NR3C1: variants seen among roughly 807,000 people sequenced by gnomAD.
NR3C1 encodes nuclear receptor subfamily 3 group C member 1.
Under a neutral mutation model 74.0 loss-of-function variants are expected in NR3C1, and 14 were observed. The observed-to-expected ratio is 0.19, with a 90% CI of 0.12 to 0.30. NR3C1 has a LOEUF of 0.30. NR3C1 is among the 10% of genes least tolerant of loss of function. The pLI, the probability that NR3C1 is intolerant of heterozygous loss-of-function variation, is 1.00. For missense variants in NR3C1, 695 were observed against 909.8 expected, an observed-to-expected ratio of 0.76 and a Z score of 3.04; for synonymous variants, 308 against 332.5, an observed-to-expected ratio of 0.93 and a Z score of 0.80.
Position 143,310,232 on chromosome 5 carries a change from AC to A in NR3C1, c.1352-20del. 1 of 1,542,500 alleles carries A rather than the reference AC, an allele frequency of 6.5e-7. No individual in the cohort carries two copies. The stretch of plus-strand genomic sequence containing the variant: ...TGCTGTCCTATATGGAATAAAAGGC[AC>A]TATTAAAGTTTCACAGGTCTTCAAA... On this transcript the variant is annotated intron_variant, in intron 3 of 8. Transcript: ENST00000394464.
chr5:143,392,124 C>G (rs980540317), intron 2 of NR3C1, among the ~76,000 whole-genome samples: 1 of 152,056 alleles, frequency 6.6e-6, no homozygotes, highest in Non-Finnish European at 1.5e-5. Flanking sequence ...AGCCACCATG[C>G]CCGGCTAATT....
chr5:143,412,112 T>C (rs11749561), intron 1 of NR3C1, among the ~76,000 whole-genome samples: 69,445 of 151,828 alleles, frequency 0.46, 16,858 homozygotes, highest in Non-Finnish European at 0.55. Flanking sequence ...GGTGAGTGCA[T>C]AGAAAGCTGT....
At chr5:143,313,579 C>CTT (rs899933337) in intron 3 of NR3C1, among the ~76,000 whole-genome samples, 1 of 149,458 alleles carries the variant, frequency 6.7e-6, no homozygotes, top group African/African-American at 2.5e-5. Context: ...AAATGAATAT[C>CTT]TTTTTTTTTT....
chr5:143,397,115 A>G (rs1220018881), intron 2 of NR3C1, among the ~76,000 whole-genome samples: 2 of 151,854 alleles, frequency 1.3e-5, no homozygotes, highest in South Asian at 2.1e-4. Context: ...TGATAATTCA[A>G]TGTTGTGGTG....
intron 5 of NR3C1, among the ~76,000 whole-genome samples, chr5:143,299,814 G>A (rs1436906694): frequency 2.0e-5 from 3 of 152,096 alleles, no homozygotes; most frequent in African/African-American, 7.2e-5. Flanking sequence ...CAAAACATTT[G>A]CCCTGCTATT....
upstream of NR3C1, among the ~76,000 whole-genome samples, chr5:143,405,835 C>T (rs1222688987): frequency 6.6e-6 from 1 of 152,092 alleles, no homozygotes; most frequent in East Asian, 1.9e-4. Flanking sequence ...GAAGGAGGCC[C>T]TTGCTTTGGA....
chr5:143,331,930 TA>T (rs1826026247), intron 2 of NR3C1, among the ~76,000 whole-genome samples: 1 of 152,032 alleles, frequency 6.6e-6, no homozygotes, highest in Non-Finnish European at 1.5e-5. Context: ...GAACCTAAAA[TA>T]AAAGTTTAAC....
At chr5:143,435,484 T>A in exon 1 of NR3C1, 1 of 985,478 alleles carries the variant, frequency 1.0e-6, no homozygotes, top group East Asian at 1.1e-4. Context: ...ACCTTTTGAA[T>A]GGGGTGAAAG....
intron 2 of NR3C1, among the ~76,000 whole-genome samples, chr5:143,382,966 T>C (rs1836521338): frequency 6.6e-6 from 1 of 152,252 alleles, no homozygotes; most frequent in African/African-American, 2.4e-5. Context: ...GTCAGTTCAC[T>C]ACCTCTCAGG....
chr5:143,404,755 T>G (rs1840977742), upstream of NR3C1: 3 of 158,790 alleles, frequency 1.9e-5, no homozygotes, highest in Admixed American at 2.0e-4. Flanking sequence ...AGTAAGTTGC[T>G]GGCGAAATAT....
At chr5:143,428,397 C>G (rs1405662216) in intron 1 of NR3C1, among the ~76,000 whole-genome samples, 1 of 152,186 alleles carries the variant, frequency 6.6e-6, no homozygotes, top group Non-Finnish European at 1.5e-5. Flanking sequence ...AGGTCATACC[C>G]TTTTCTAAAA....
At chr5:143,419,719 C>A (rs1256791087) in intron 1 of NR3C1, among the ~76,000 whole-genome samples, 1 of 152,154 alleles carries the variant, frequency 6.6e-6, no homozygotes, top group East Asian at 1.9e-4. Flanking sequence ...AGGGCGAAAT[C>A]ACAGGACCAC....
At chr5:143,314,521 T>C (rs1213579172) in intron 2 of NR3C1, among the ~76,000 whole-genome samples, 1 of 152,058 alleles carries the variant, frequency 6.6e-6, no homozygotes, top group Non-Finnish European at 1.5e-5. Flanking sequence ...GTCTATAATT[T>C]ATGGTTTTTG....
At chr5:143,285,751 A>G (rs1158177273) in intron 7 of NR3C1, among the ~76,000 whole-genome samples, 1 of 152,172 alleles carries the variant, frequency 6.6e-6, no homozygotes, top group African/African-American at 2.4e-5. Flanking sequence ...GTGGGATGCA[A>G]TGAAGACAGT....
At chr5:143,299,015 T>G (rs915576914) in intron 5 of NR3C1, among the ~76,000 whole-genome samples, 15 of 147,632 alleles carry the variant, frequency 1.0e-4, no homozygotes, top group African/African-American at 1.5e-4. Context: ...GTTTTTTTTT[T>G]TTTTTTTTTT....
chr5:143,293,915 T>TTATA (rs1816533082), intron 7 of NR3C1: 1 of 983,352 alleles, frequency 1.0e-6, no homozygotes, highest in African/African-American at 1.8e-5. Flanking sequence ...AGGCACTGAA[T>TTATA]TATACCTTCA....
intron 1 of NR3C1, among the ~76,000 whole-genome samples, chr5:143,416,101 A>G (rs775191127): frequency 6.6e-6 from 1 of 152,200 alleles, no homozygotes; most frequent in African/African-American, 2.4e-5. Context: ...CCTCCATCCT[A>G]CCAGGGACCC....
chr5:143,409,833 TA>T (rs1841235101), intron 1 of NR3C1, among the ~76,000 whole-genome samples: 1 of 152,244 alleles, frequency 6.6e-6, no homozygotes, highest in South Asian at 2.1e-4. Flanking sequence ...GCTAAATTAT[TA>T]CTAGCTTTCC....
chr5:143,435,042 A>G, exon 1 of NR3C1: 1 of 985,364 alleles, frequency 1.0e-6, no homozygotes, highest in Non-Finnish European at 1.2e-6. Context: ...GATTCAGCAG[A>G]TATTCCCCCA....
Sources: gnomAD v4.1 joint callset for allele counts (sites outside exome capture counted in the v4.1 genomes callset) on GRCh38, gnomAD v4.1.1 for gene constraint, MANE v1.5 for transcripts, NCBI Gene and HGNC (gene_info 2026-07-23, HGNC 2026-07-21) for gene names.